PBLD: variants seen among roughly 807,000 people sequenced by gnomAD.
PBLD encodes phenazine biosynthesis-like domain-containing protein.
Under a neutral mutation model 31.3 loss-of-function variants are expected in PBLD, and 26 were observed. The observed-to-expected ratio is 0.83, with a 90% CI of 0.61 to 1.15. PBLD has a LOEUF of 1.15. Among genes scored for constraint, PBLD ranks in the 50% most tolerant of loss-of-function variants. PBLD has a pLI of 0.00. For missense variants in PBLD, 307 were observed against 351.7 expected, an observed-to-expected ratio of 0.87 and a Z score of 1.02; for synonymous variants, 114 against 129.0, an observed-to-expected ratio of 0.88 and a Z score of 0.79.
intron 1 of PBLD, among the ~76,000 whole-genome samples, chr10:68,323,326 C>A (rs768728725): frequency 6.6e-6 from 1 of 151,928 alleles, no homozygotes; most frequent in Non-Finnish European, 1.5e-5. Context: ...CTTTGGGAGG[C>A]CAAAGTGGGT....
intron 2 of PBLD, among the ~76,000 whole-genome samples, chr10:68,300,811 G>A (rs896692231): frequency 7.9e-5 from 12 of 152,110 alleles, no homozygotes; most frequent in African/African-American, 1.4e-4. Context: ...GGGAGATTTC[G>A]GTGATTTGGA....
At chr10:68,314,535 A>G (rs1298543460) in intron 1 of PBLD, among the ~76,000 whole-genome samples, 1 of 152,128 alleles carries the variant, frequency 6.6e-6, no homozygotes, top group African/African-American at 2.4e-5. Flanking sequence ...AGCTGCATTC[A>G]TAGAGAATTG....
Position 68,296,296 on chromosome 10 carries a change from C to A in PBLD, c.253G>T (p.Ala85Ser). The A allele has an allele frequency of 6.2e-7, 1 of 1,613,868 alleles. No homozygotes were observed. Among genetic ancestry groups the A allele is most frequent in the Non-Finnish European group, 8.5e-7 (1 of 1,179,830 alleles). The change falls in exon 4 of 10, where the codon GCT becomes TCT. Residue 85 changes from alanine to serine, a missense_variant. Physicochemically the swap from Ala to Ser is moderately conservative, Grantham distance 99 (BLOSUM62 1). Transcript: ENST00000358769. ...EVPLCGHATL[A>S]SAAVLFHKIK... ...TTGTGAAACAGCACAGCTGCAGAAG[C>A]CAGGGTGGCATGGCCACAGAGTGGG...
intron 6 of PBLD, among the ~76,000 whole-genome samples, chr10:68,289,860 A>G (rs1169230528): frequency 6.6e-6 from 1 of 152,170 alleles, no homozygotes. Context: ...CCACACGGCA[A>G]GCACTCAGGG....
rs1488728858 is a variant in PBLD, at chr10:68,296,796, G to A, written c.184+90C>T. The A allele has an allele frequency of 2.6e-6, 3 of 1,134,468 alleles. No individual in the cohort carries two copies. The African/African-American group carries it at 4.6e-5, about 18-fold the overall frequency. The allele number at this position is 1,134,468 out of a possible 1,614,324, so 70.3% of individuals were successfully genotyped here. On this transcript the variant is annotated intron_variant, in intron 3 of 9. Coordinates refer to ENST00000358769, the MANE Select transcript of PBLD (RefSeq NM_022129.4). ...AGGCACAATAATTGCTTGAACGCAG[G>A]AGGCGGAGGTTGCAGTGAGTCAAGA...
rs1248420449 is a variant in PBLD, at chr10:68,296,320, G to C, written c.229C>G (p.Pro77Ala). 2 of 1,614,060 alleles carry C rather than the reference G, an allele frequency of 1.2e-6. No individual in the cohort carries two copies. The highest frequency in any genetic ancestry group is 1.7e-6 in the Non-Finnish European group (2 of 1,179,966). ...GCCAGGGTGGCATGGCCACAGAGTGGGACCTCACTCGCTGGTGTAAACCAT... is the reference window on the plus strand; with the variant it reads ...GCCAGGGTGGCATGGCCACAGAGTGCGACCTCACTCGCTGGTGTAAACCAT... ...LRWFTPASEV[P>A]LCGHATLASA... The change falls in exon 4 of 10, where the codon CCA (proline) becomes GCA (alanine). Residue 77 changes from proline (P) to alanine (A), a missense_variant. Pro to Ala is a conservative substitution (Grantham distance 27). Transcript: ENST00000358769.
intron 4 of PBLD, among the ~76,000 whole-genome samples, chr10:68,295,608 A>G (rs1428630155): frequency 1.3e-5 from 2 of 152,128 alleles, no homozygotes; most frequent in Admixed American, 6.6e-5. Flanking sequence ...CTCATATCGT[A>G]TGAGATGACA....
chr10:68,286,575 G>A lies in PBLD; in HGVS notation c.692-1165C>T, dbSNP rs1369759552. 2.0e-5 allele frequency among the ~76,000 whole-genome samples: 3 copies of A among 152,068 alleles called. No individual in the cohort carries two copies. In the East Asian group the frequency reaches 5.8e-4, roughly 29 times the overall value. ...GCTGGTCTGAAACTCCTGGCCTCAT[G>A]CAACCCTCCCACCTCGGTCTCCCAA... On this transcript the variant is annotated intron_variant, in intron 8 of 9. Coordinates refer to ENST00000358769, the MANE Select transcript of PBLD (RefSeq NM_022129.4).
At chr10:68,299,690 T>C (rs968503097) in intron 2 of PBLD, among the ~76,000 whole-genome samples, 1 of 151,746 alleles carries the variant, frequency 6.6e-6, no homozygotes, top group African/African-American at 2.4e-5. Flanking sequence ...ACCCCATCAC[T>C]ACTAAAAATA....
Position 68,288,595 on chromosome 10 carries a change from C to T in PBLD, c.579G>A (p.Val193=), listed in dbSNP as rs934849215. The change falls in exon 8 of 10, where the codon GTG becomes GTA. Residue 193 remains valine (V), a synonymous_variant. Coordinates refer to ENST00000358769, the MANE Select transcript of PBLD (RefSeq NM_022129.4). ...CTTTAAGGGTAAGAATAAGCCCTTTCACCTTCCCTGTGTTTTCAACTTGCA... is the reference window on the plus strand; with the variant it reads ...CTTTAAGGGTAAGAATAAGCCCTTTTACCTTCCCTGTGTTTTCAACTTGCA... ...NLLQVENTGK[V]KGLILTLKGE... is the part of the protein sequence containing the mutation. 6.2e-7 allele frequency: 1 copy of T among 1,614,188 alleles called. No homozygotes were observed. Among genetic ancestry groups the T allele is most frequent in the Non-Finnish European group, 8.5e-7 (1 of 1,180,038 alleles).
intron 1 of PBLD, among the ~76,000 whole-genome samples, chr10:68,317,960 G>A (rs1004888953): frequency 6.6e-6 from 1 of 152,088 alleles, no homozygotes; most frequent in Non-Finnish European, 1.5e-5. Flanking sequence ...GGGCACGGTG[G>A]CTCACGCCTG....
At chr10:68,296,821 A>T in intron 3 of PBLD, 65 bp downstream of exon 3, 1 of 1,376,970 alleles carries the variant, frequency 7.3e-7, no homozygotes. Flanking sequence ...GTGAGTCAAG[A>T]TCATGCCACT....
chr10:68,331,906 C>T (rs2045118014), intron 1 of PBLD: 1 of 152,342 alleles, frequency 6.6e-6, no homozygotes, highest in Non-Finnish European at 1.5e-5. Flanking sequence ...TCTACCTCGC[C>T]CCCAACAGCT....
At chr10:68,289,326 G>A (rs578236551) in intron 6 of PBLD, among the ~76,000 whole-genome samples, 21 of 152,142 alleles carry the variant, frequency 1.4e-4, no homozygotes, top group Admixed American at 2.6e-4. Flanking sequence ...TCAGGAGCTC[G>A]AGACCAGGCT....
At chr10:68,306,158 T>TATTCC (rs1260144248) in intron 2 of PBLD, among the ~76,000 whole-genome samples, 1 of 151,384 alleles carries the variant, frequency 6.6e-6, no homozygotes, top group Admixed American at 6.6e-5. Context: ...TCTATTTAAC[T>TATTCC]ATTAATATTT....
chr10:68,330,083 T>C (rs1435621026), intron 1 of PBLD, among the ~76,000 whole-genome samples: 2 of 152,130 alleles, frequency 1.3e-5, no homozygotes, highest in African/African-American at 4.8e-5. Flanking sequence ...GAGCCATTGT[T>C]ACTACAGCAT....
rs754006456 is a variant in PBLD at position 68,288,487 on chromosome 10, C to T, written c.687G>A (p.Val229=). The T allele has an allele frequency of 1.2e-6, 2 of 1,613,506 alleles. No individual in the cohort carries two copies. The highest frequency in any genetic ancestry group is 2.2e-5 in the South Asian group (2 of 90,948). ...CTGGGCTCAAGTAAAAAGTACCTGT[C>T]ACTGGGTCTTCAGCCACACCAACCC... ...APWVGVAEDP[V]TGSAHAVLSS... is the part of the protein sequence containing the mutation. Residue 229 remains valine, a synonymous_variant, in exon 8 of 10, where the codon GTG becomes GTA. Transcript: ENST00000358769.
intron 1 of PBLD, chr10:68,331,500 G>C (rs2045086755): frequency 1.3e-5 from 2 of 152,372 alleles, no homozygotes; most frequent in Non-Finnish European, 2.9e-5. Context: ...TGGGCCAGGG[G>C]AAGGAGGCGG....
intron 8 of PBLD, chr10:68,288,273 A>T (rs1564723840): frequency 1.1e-5 from 6 of 557,564 alleles, no homozygotes; most frequent in East Asian, 9.1e-5. Context: ...GCTGTCTGAC[A>T]CTCAGGTTTA....
Sources: allele counts gnomAD v4.1 joint callset (sites outside exome capture counted in the v4.1 genomes callset), GRCh38; gene constraint gnomAD v4.1.1; transcripts MANE v1.5; gene names NCBI Gene and HGNC (gene_info 2026-07-23, HGNC 2026-07-21).